ARHGAP15: variants seen among roughly 807,000 people sequenced by gnomAD.
The protein encoded by ARHGAP15 is rho GTPase-activating protein 15.
A neutral mutation model predicts 63.7 loss-of-function variants in ARHGAP15; 51 were observed. The ratio of observed to expected loss-of-function variants is 0.80; its 90% CI spans 0.64 to 1.01. ARHGAP15 has a LOEUF of 1.01. ARHGAP15 is among the 50% of genes least tolerant of loss of function. The probability of loss-of-function intolerance (pLI) is 0.00; values close to 1 mark genes in which losing one functional copy is unlikely to be tolerated. For synonymous variants in ARHGAP15, 191 were observed against 193.8 expected (o/e 0.99, Z 0.12); for missense variants, 560 against 564.6 (o/e 0.99, Z 0.08).
At chr2:143,468,663 AGTGTGT>A (rs70982870) in intron 8 of ARHGAP15, among the ~76,000 whole-genome samples, 2 of 136,330 alleles carry the variant, frequency 1.5e-5, no homozygotes, top group Admixed American at 7.4e-5. Flanking sequence ...AGAGAGAGAG[AGTGTGT>A]GTGTGTGTGT....
chr2:143,340,572 G>A (rs1308791276), intron 6 of ARHGAP15, among the ~76,000 whole-genome samples: 3 of 150,050 alleles, frequency 2.0e-5, no homozygotes, highest in African/African-American at 7.4e-5. Flanking sequence ...TACTTTTTAT[G>A]GGCAAGCAGT....
At chr2:143,339,083 C>T (rs1684937987) in intron 6 of ARHGAP15, among the ~76,000 whole-genome samples, 2 of 151,996 alleles carry the variant, frequency 1.3e-5, no homozygotes, top group African/African-American at 4.8e-5. Context: ...CATTATATGT[C>T]AGACTTGATT....
intron 10 of ARHGAP15, among the ~76,000 whole-genome samples, chr2:143,543,163 A>G (rs1290009152): frequency 1.3e-5 from 2 of 152,052 alleles, no homozygotes; most frequent in African/African-American, 4.8e-5. Flanking sequence ...TCCCACCAAT[A>G]ATATAAAAGG....
At chr2:143,503,799 C>G (rs1338571330) in intron 9 of ARHGAP15, among the ~76,000 whole-genome samples, 2 of 152,186 alleles carry the variant, frequency 1.3e-5, no homozygotes, top group Non-Finnish European at 2.9e-5. Flanking sequence ...TTTCTTTATG[C>G]TACAGGTATG....
Position 143,584,767 on chromosome 2 carries a change from C to T in ARHGAP15, c.1003+28282C>T, listed in dbSNP as rs183327558. Among the ~76,000 whole-genome samples, 305 of 152,224 alleles carry T rather than the reference C, an allele frequency of 2.0e-3. 2 individuals are homozygous for T. The highest frequency in any genetic ancestry group is 7.3e-3 in the African/African-American group (302 of 41,530). On this transcript the variant is annotated intron_variant, in intron 11 of 13. Coordinates refer to ENST00000295095, the MANE Select transcript of ARHGAP15 (RefSeq NM_018460.4). ...TATTAGGTTGGTGCAAAAATAATTG[C>T]AGTTTGGCCATTATGTTTGCACCAA...
intron 12 of ARHGAP15, among the ~76,000 whole-genome samples, chr2:143,679,060 A>G (rs1682965882): frequency 6.6e-6 from 1 of 152,180 alleles, no homozygotes; most frequent in Admixed American, 6.5e-5. Flanking sequence ...CTGATCCAAT[A>G]TCTTTGCTAG....
At chr2:143,492,572 C>T (rs910967994) in intron 9 of ARHGAP15, among the ~76,000 whole-genome samples, 2 of 148,604 alleles carry the variant, frequency 1.3e-5, no homozygotes, top group East Asian at 2.0e-4. Flanking sequence ...AGCCTGGGCA[C>T]GATAAAGAGA....
intron 12 of ARHGAP15, among the ~76,000 whole-genome samples, chr2:143,672,996 A>T (rs1162082383): frequency 4.6e-5 from 7 of 152,198 alleles, no homozygotes; most frequent in Admixed American, 3.9e-4. Flanking sequence ...GAAATTGGAC[A>T]CAATATAAGA....
At position 143,436,892 on chromosome 2, in the gene ARHGAP15, C is replaced by G. The variant is rs779278702; in HGVS notation, c.574-21C>G. ...TTTCTTTCTAGTAAAATTATTCAGT[C>G]TAATTATTTGCTGTTTCCAGCCAAA... On this transcript the variant is annotated intron_variant, in intron 7 of 13. Coordinates refer to ENST00000295095, the MANE Select transcript of ARHGAP15 (RefSeq NM_018460.4). The G allele has an allele frequency of 6.2e-6, 10 of 1,601,134 alleles. 1 individual carries two copies. The South Asian group carries it at 1.0e-4, about 16-fold the overall frequency.
intron 4 of ARHGAP15, chr2:143,228,164 T>A (rs1693291621): frequency 6.5e-6 from 1 of 152,706 alleles, no homozygotes; most frequent in Non-Finnish European, 1.5e-5. Flanking sequence ...GCTGGTTAGT[T>A]TTTAAGACTG....
chr2:143,599,347 A>C (rs1354174294), intron 11 of ARHGAP15, among the ~76,000 whole-genome samples: 1 of 152,212 alleles, frequency 6.6e-6, no homozygotes, highest in African/African-American at 2.4e-5. Context: ...TGAGAGCCTA[A>C]GCAGTTTTCC....
At chr2:143,265,537 C>T (rs745848859) in intron 6 of ARHGAP15, among the ~76,000 whole-genome samples, 3 of 152,120 alleles carry the variant, frequency 2.0e-5, no homozygotes, top group African/African-American at 2.4e-5. Context: ...TGACCTTGCA[C>T]GTTAAAAATC....
chr2:143,707,366 CCT>C (rs1178229504), intron 13 of ARHGAP15, among the ~76,000 whole-genome samples: 6 of 152,086 alleles, frequency 3.9e-5, no homozygotes, highest in African/African-American at 1.4e-4. Flanking sequence ...AAATAGTCCC[CCT>C]GATAGCATTA....
intron 12 of ARHGAP15, among the ~76,000 whole-genome samples, chr2:143,699,483 A>G (rs1426127255): frequency 6.6e-6 from 1 of 152,178 alleles, no homozygotes; most frequent in African/African-American, 2.4e-5. Flanking sequence ...TATTTCTATA[A>G]AATATTCTTC....
chr2:143,337,240 G>A (rs536009371), intron 6 of ARHGAP15, among the ~76,000 whole-genome samples: 33 of 142,758 alleles, frequency 2.3e-4, no homozygotes, highest in African/African-American at 7.8e-4. Flanking sequence ...TAGCTGGAGA[G>A]AAAGAGCAGA....
intron 4 of ARHGAP15, among the ~76,000 whole-genome samples, chr2:143,226,415 A>T (rs1423540915): frequency 1.3e-5 from 2 of 152,226 alleles, no homozygotes; most frequent in Non-Finnish European, 2.9e-5. Flanking sequence ...TAGGTTAAAT[A>T]TGGATTCTTC....
At chr2:143,392,926 A>G (rs1025888676) in intron 6 of ARHGAP15, among the ~76,000 whole-genome samples, 1 of 152,156 alleles carries the variant, frequency 6.6e-6, no homozygotes, top group Admixed American at 6.5e-5. Context: ...CCATAGATAA[A>G]AAAAACCTCA....
intron 12 of ARHGAP15, among the ~76,000 whole-genome samples, chr2:143,645,884 T>G (rs1680850104): frequency 6.6e-6 from 1 of 152,186 alleles, no homozygotes; most frequent in African/African-American, 2.4e-5. Context: ...TTGGCCAAGT[T>G]TTTGCAAAAT....
intron 5 of ARHGAP15, among the ~76,000 whole-genome samples, chr2:143,239,889 G>A (rs777202985): frequency 4.0e-5 from 6 of 150,070 alleles, no homozygotes; most frequent in Non-Finnish European, 8.9e-5. Context: ...TACTTAGGAG[G>A]CTGAGGCACA....
Sources: allele counts gnomAD v4.1 joint callset (sites outside exome capture counted in the v4.1 genomes callset), GRCh38; gene constraint gnomAD v4.1.1; transcripts MANE v1.5; gene names NCBI Gene and HGNC (gene_info 2026-07-23, HGNC 2026-07-21).